UBE2H: variants seen among roughly 807,000 people sequenced by gnomAD.
The protein encoded by UBE2H is ubiquitin conjugating enzyme E2 H, also known as ubiquitin-conjugating enzyme E2 H.
Under a neutral mutation model 29.0 loss-of-function variants are expected in UBE2H, and 3 were observed. That is an observed-to-expected ratio of 0.10 (90% CI 0.05 to 0.27). UBE2H has a LOEUF of 0.27. Among genes scored for constraint, UBE2H ranks in the 10% least tolerant of loss-of-function variants. The pLI, the probability that UBE2H is intolerant of heterozygous loss-of-function variation, is 1.00. For synonymous variants in UBE2H, 69 were observed against 82.9 expected, an observed-to-expected ratio of 0.83 and a Z score of 0.91; for missense variants, 68 against 228.2, an observed-to-expected ratio of 0.30 and a Z score of 4.52.
intron 1 of UBE2H, among the ~76,000 whole-genome samples, chr7:129,932,711 T>C (rs895438728): frequency 4.1e-5 from 6 of 146,862 alleles, no homozygotes; most frequent in Non-Finnish European, 7.4e-5. Context: ...AAGGCGGAGG[T>C]TGCAGTGAGC....
intron 2 of UBE2H, among the ~76,000 whole-genome samples, chr7:129,880,278 G>A (rs1042784260): frequency 2.0e-5 from 3 of 152,148 alleles, no homozygotes; most frequent in Non-Finnish European, 2.9e-5. Flanking sequence ...AGGCTGAGGC[G>A]GGTGGATCAC....
At chr7:129,888,479 C>G (rs10216157) in intron 1 of UBE2H, among the ~76,000 whole-genome samples, 25,362 of 145,818 alleles carry the variant, frequency 0.17, 2,578 homozygotes, top group African/African-American at 0.28. Context: ...ATAGCAAGAC[C>G]CTTTTTTTTT....
At chr7:129,896,252 G>A (rs961755214) in intron 1 of UBE2H, among the ~76,000 whole-genome samples, 4 of 151,514 alleles carry the variant, frequency 2.6e-5, no homozygotes, top group Non-Finnish European at 5.9e-5. Flanking sequence ...CAGGAGAATC[G>A]CTTGAATCTA....
At chr7:129,899,325 T>C (rs1481849565) in intron 1 of UBE2H, among the ~76,000 whole-genome samples, 2 of 152,232 alleles carry the variant, frequency 1.3e-5, no homozygotes, top group Non-Finnish European at 2.9e-5. Context: ...ATCCAGTTAC[T>C]TTCTAACTAC....
rs1298540896 is a variant in UBE2H, at chr7:129,847,289, C to A, written c.299-7954G>T. On this transcript the variant is annotated intron_variant, in intron 5 of 6. Transcript: ENST00000355621. Reference sequence around the variant, plus strand: ...CCTGATCTCAGGGTGATCCATCCACCTCAGACTCCCAAAGTGCTGGGATTA... The same window carrying A: ...CCTGATCTCAGGGTGATCCATCCACATCAGACTCCCAAAGTGCTGGGATTA... Among the ~76,000 whole-genome samples the A allele has an allele frequency of 2.0e-5, 3 of 152,192 alleles. 1 individual carries two copies. Among genetic ancestry groups the A allele is most frequent in the African/African-American group, 7.2e-5 (3 of 41,442 alleles).
intron 5 of UBE2H, among the ~76,000 whole-genome samples, chr7:129,855,622 G>A (rs1022180538): frequency 3.3e-5 from 5 of 152,228 alleles, no homozygotes; most frequent in African/African-American, 2.4e-5. Flanking sequence ...ACGTGTGCGT[G>A]TGCGTGTGTA....
At chr7:129,900,644 A>G (rs1194451005) in intron 1 of UBE2H, among the ~76,000 whole-genome samples, 2 of 151,926 alleles carry the variant, frequency 1.3e-5, no homozygotes, top group Non-Finnish European at 2.9e-5. Flanking sequence ...TTATACTTTA[A>G]GTTTTAGGGT....
chr7:129,930,371 A>G (rs540113240), intron 1 of UBE2H, among the ~76,000 whole-genome samples: 1 of 152,220 alleles, frequency 6.6e-6, no homozygotes, highest in African/African-American at 2.4e-5. Flanking sequence ...ATGTTGCTCA[A>G]GCTGGTCTCA....
At chr7:129,951,703 G>A (rs1170362226) in intron 1 of UBE2H, among the ~76,000 whole-genome samples, 1 of 152,162 alleles carries the variant, frequency 6.6e-6, no homozygotes, top group Admixed American at 6.5e-5. Context: ...ATTCCCCCAA[G>A]AACCTGACCC....
intron 1 of UBE2H, among the ~76,000 whole-genome samples, chr7:129,922,126 G>C (rs947274690): frequency 1.3e-5 from 2 of 151,730 alleles, no homozygotes; most frequent in African/African-American, 4.8e-5. Flanking sequence ...TGAGACTACA[G>C]GTGTGCACCA....
At chr7:129,891,705 C>T (rs982514101) in intron 1 of UBE2H, among the ~76,000 whole-genome samples, 8 of 151,242 alleles carry the variant, frequency 5.3e-5, no homozygotes, top group Non-Finnish European at 1.0e-4. Context: ...GGGAGGCTAA[C>T]ACAGTAGAAC....
Position 129,833,417 on chromosome 7 carries a change from T to C in UBE2H, c.*1520A>G, listed in dbSNP as rs892088850. ...TTGGCTAATTCTGCTATTATCTTAT[T>C]GGCTGCGGCAAAAAAAGAACACAGA... On this transcript the variant is annotated 3_prime_UTR_variant, in exon 7 of 7. Coordinates refer to ENST00000355621, the MANE Select transcript of UBE2H (RefSeq NM_003344.4). 2.0e-5 allele frequency: 3 copies of C among 152,286 alleles called. No individual in the cohort carries two copies. The highest frequency in any genetic ancestry group is 1.3e-4 in the Admixed American group (2 of 15,272). 9.4% of individuals were successfully genotyped at this position (152,286 alleles called of 1,614,324 possible). A position where few individuals can be genotyped will look rare whatever the true frequency, so the allele number is the denominator to read the frequency against.
chr7:129,904,912 G>A (rs566832863), intron 1 of UBE2H, among the ~76,000 whole-genome samples: 5 of 152,304 alleles, frequency 3.3e-5, no homozygotes, highest in African/African-American at 1.2e-4. Flanking sequence ...GAAGCCAAAG[G>A]TGTTTTCAAG....
intron 1 of UBE2H, among the ~76,000 whole-genome samples, chr7:129,926,739 A>T (rs1193094437): frequency 2.0e-5 from 3 of 151,356 alleles, no homozygotes; most frequent in Non-Finnish European, 4.4e-5. Context: ...CTTTACCAAG[A>T]GTCCTCCTCT....
At position 129,952,731 on chromosome 7, in the gene UBE2H, TC is replaced by T. The variant is rs1203430406; in HGVS notation, c.-177del. On this transcript the variant is annotated 5_prime_UTR_variant, in exon 1 of 7. Coordinates refer to ENST00000355621, the MANE Select transcript of UBE2H (RefSeq NM_003344.4). ...CCGCACGGGGGAACACCGGGCACTG[TC>T]CGGCCGGGTGGGGGTGGGGACCCTG... The T allele has an allele frequency of 6.6e-6, 4 of 601,844 alleles. No homozygotes were observed. The highest frequency in any genetic ancestry group is 9.8e-6 in the Non-Finnish European group (4 of 406,714). The allele number at this position is 601,844 out of a possible 1,614,324, so 37.3% of individuals were successfully genotyped here.
intron 5 of UBE2H, among the ~76,000 whole-genome samples, chr7:129,841,024 ACAC>A (rs1805419356): frequency 6.6e-6 from 1 of 152,308 alleles, no homozygotes; most frequent in Admixed American, 6.5e-5. Flanking sequence ...AAGCTGCTAA[ACAC>A]CACAATGCAC....
At chr7:129,841,524 A>G (rs1442602063) in intron 5 of UBE2H, among the ~76,000 whole-genome samples, 1 of 152,194 alleles carries the variant, frequency 6.6e-6, no homozygotes, top group East Asian at 1.9e-4. Context: ...AAGGAAATTA[A>G]TTTTCAGTTT....
At chr7:129,898,180 G>A (rs1405717641) in intron 1 of UBE2H, among the ~76,000 whole-genome samples, 2 of 152,196 alleles carry the variant, frequency 1.3e-5, no homozygotes, top group African/African-American at 4.8e-5. Flanking sequence ...GTATCTAGGT[G>A]TGCAATGTGA....
At chr7:129,878,030 T>A (rs569004679) in intron 3 of UBE2H, among the ~76,000 whole-genome samples, 1 of 152,310 alleles carries the variant, frequency 6.6e-6, no homozygotes, top group African/African-American at 2.4e-5. Context: ...CTATAAAGGC[T>A]TTAAAGTCCT....
Sources: allele counts gnomAD v4.1 joint callset (sites outside exome capture counted in the v4.1 genomes callset), GRCh38; gene constraint gnomAD v4.1.1; transcripts MANE v1.5; gene names NCBI Gene and HGNC (gene_info 2026-07-23, HGNC 2026-07-21).